Variants in CTNND2 observed in about 807,000 individuals in gnomAD.
The protein encoded by CTNND2 is catenin delta-2.
Under a neutral mutation model 144.4 loss-of-function variants are expected in CTNND2, and 22 were observed. The observed-to-expected ratio is 0.15, with a 90% CI of 0.11 to 0.22. The LOEUF is 0.22. Among genes scored for constraint, CTNND2 ranks in the 10% least tolerant of loss-of-function variants. CTNND2 has a pLI of 1.00. For synonymous variants in CTNND2, 751 were observed against 695.6 expected, an observed-to-expected ratio of 1.08 and a Z score of -1.25; for missense variants, 1,353 against 1,618.8, an observed-to-expected ratio of 0.84 and a Z score of 2.82.
chr5:11,304,779 T>A (rs1430254650), intron 9 of CTNND2, among the ~76,000 whole-genome samples: 1 of 152,140 alleles, frequency 6.6e-6, no homozygotes, highest in Non-Finnish European at 1.5e-5. Context: ...GTGCTCAGAG[T>A]TCAGTCAGCT....
intron 3 of CTNND2, among the ~76,000 whole-genome samples, chr5:11,441,206 G>A (rs1236373791): frequency 6.6e-6 from 1 of 151,924 alleles, no homozygotes; most frequent in Non-Finnish European, 1.5e-5. Flanking sequence ...ATACACTCAT[G>A]ATATTTTAGA....
intron 9 of CTNND2, among the ~76,000 whole-genome samples, chr5:11,285,023 G>C (rs1174910567): frequency 6.6e-6 from 1 of 152,178 alleles, no homozygotes; most frequent in Non-Finnish European, 1.5e-5. Context: ...GCTCAATCTT[G>C]ACTCTGTCCT....
At chr5:11,643,832 T>C (rs1216561947) in intron 2 of CTNND2, among the ~76,000 whole-genome samples, 1 of 152,218 alleles carries the variant, frequency 6.6e-6, no homozygotes, top group Non-Finnish European at 1.5e-5. Context: ...TTATGTATTG[T>C]AACATTTGTT....
At chr5:11,214,181 T>G (rs1224494569) in intron 10 of CTNND2, among the ~76,000 whole-genome samples, 1 of 152,222 alleles carries the variant, frequency 6.6e-6, no homozygotes, top group African/African-American at 2.4e-5. Context: ...ACCTCAATAA[T>G]AAATAGTAAA....
At chr5:11,554,900 A>G (rs1287044080) in intron 3 of CTNND2, among the ~76,000 whole-genome samples, 1 of 138,850 alleles carries the variant, frequency 7.2e-6, no homozygotes, top group Non-Finnish European at 1.6e-5. Context: ...AATGTACTGT[A>G]TAAATCAATT....
intron 11 of CTNND2, among the ~76,000 whole-genome samples, chr5:11,173,040 C>T (rs1760092086): frequency 6.6e-6 from 1 of 152,220 alleles, no homozygotes; most frequent in Non-Finnish European, 1.5e-5. Context: ...AAATTCAAGG[C>T]ATTTAATTTT....
Position 11,565,889 on chromosome 5 carries a change from G to T in CTNND2, c.175-833C>A, listed in dbSNP as rs75995446. 5.4e-3 allele frequency among the ~76,000 whole-genome samples: 821 copies of T among 152,068 alleles called. 10 individuals carry two copies. The highest frequency in any genetic ancestry group is 0.019 in the African/African-American group (794 of 41,492). The stretch of plus-strand genomic sequence containing the variant: ...AGAGCAAATCATGTATTTTAATAAG[G>T]AATGGCAGGGAAAGTTTTTACAATG... On this transcript the variant is annotated intron_variant, in intron 2 of 21. Transcript: ENST00000304623.
Position 10,982,069 on chromosome 5 carries a change from T to C in CTNND2, c.3344-223A>G, listed in dbSNP as rs111641324. The stretch of plus-strand genomic sequence containing the variant: ...CCCACAGCATGTCAGCCGCTTGCAA[T>C]AATGTTCACATCACAGACAGGGTCA... On this transcript the variant is annotated intron_variant, in intron 20 of 21. Transcript: ENST00000304623. Among the ~76,000 whole-genome samples, 64 of 152,306 alleles carry C rather than the reference T, an allele frequency of 4.2e-4. 1 individual carries two copies. The highest frequency in any genetic ancestry group is 1.5e-3 in the African/African-American group (64 of 41,568).
chr5:11,371,890 G>T (rs1432271643), intron 7 of CTNND2, among the ~76,000 whole-genome samples: 1 of 152,106 alleles, frequency 6.6e-6, no homozygotes, highest in Non-Finnish European at 1.5e-5. Flanking sequence ...TAATTCCAGT[G>T]TAACAGGCCA....
intron 3 of CTNND2, among the ~76,000 whole-genome samples, chr5:11,532,797 C>T (rs1295786287): frequency 6.6e-6 from 1 of 152,182 alleles, no homozygotes; most frequent in Non-Finnish European, 1.5e-5. Flanking sequence ...TAAATTTTTA[C>T]ATGATCAAGG....
chr5:11,149,330 G>A (rs1292755511), intron 12 of CTNND2, among the ~76,000 whole-genome samples: 2 of 152,254 alleles, frequency 1.3e-5, no homozygotes, highest in Non-Finnish European at 1.5e-5. Flanking sequence ...TTACATTGTT[G>A]TTCCAAAATA....
intron 1 of CTNND2, among the ~76,000 whole-genome samples, chr5:11,798,554 G>A (rs1251708979): frequency 6.6e-6 from 1 of 152,194 alleles, no homozygotes; most frequent in African/African-American, 2.4e-5. Context: ...AGATCATGAG[G>A]TCAGGAGATT....
chr5:11,892,064 C>T (rs374362855), intron 1 of CTNND2, among the ~76,000 whole-genome samples: 13 of 152,278 alleles, frequency 8.5e-5, no homozygotes, highest in Middle Eastern at 6.8e-3. Flanking sequence ...ATTCTTCTGA[C>T]ATCATAATAT....
rs369726325 is a variant in CTNND2, at chr5:11,172,171, G to C, written c.1976-12412C>G. ...TCTGGAAAATCTGGAAAGTGATCTGGGGTGGGTCCTGCTACCTAAGAATTT... is the reference window on the plus strand; with the variant it reads ...TCTGGAAAATCTGGAAAGTGATCTGCGGTGGGTCCTGCTACCTAAGAATTT... On this transcript the variant is annotated intron_variant, in intron 11 of 21. Coordinates refer to ENST00000304623, the MANE Select transcript of CTNND2 (RefSeq NM_001332.4). Among the ~76,000 whole-genome samples the C allele has an allele frequency of 3.2e-3, 494 of 152,242 alleles. 3 individuals are homozygous for C. Among genetic ancestry groups the C allele is most frequent in the African/African-American group, 0.011 (476 of 41,532 alleles).
intron 16 of CTNND2, among the ~76,000 whole-genome samples, chr5:11,025,471 T>C (rs975173196): frequency 1.3e-5 from 2 of 152,202 alleles, no homozygotes; most frequent in African/African-American, 2.4e-5. Flanking sequence ...CCTTGTGTTG[T>C]ATGTTTATAA....
At chr5:11,100,152 C>T (rs1751746623) in intron 14 of CTNND2, among the ~76,000 whole-genome samples, 1 of 152,140 alleles carries the variant, frequency 6.6e-6, no homozygotes. Context: ...CAAATAATTT[C>T]AAAAACTTCA....
chr5:11,864,030 G>C (rs1275821042), intron 1 of CTNND2, among the ~76,000 whole-genome samples: 1 of 152,114 alleles, frequency 6.6e-6, no homozygotes, highest in Admixed American at 6.5e-5. Flanking sequence ...GCTGCATCAT[G>C]AATTGATCAG....
At chr5:11,336,977 G>A (rs1753798275) in intron 9 of CTNND2, among the ~76,000 whole-genome samples, 1 of 152,014 alleles carries the variant, frequency 6.6e-6, no homozygotes. Context: ...AATTTTTTTG[G>A]TTTCCCTCTC....
intron 1 of CTNND2, among the ~76,000 whole-genome samples, chr5:11,782,093 G>T (rs1002263179): frequency 6.6e-6 from 1 of 152,062 alleles, no homozygotes; most frequent in African/African-American, 2.4e-5. Context: ...TGTACAAAGG[G>T]CAGTTCCCCT....
Sources: allele counts gnomAD v4.1 joint callset (sites outside exome capture counted in the v4.1 genomes callset), GRCh38; gene constraint gnomAD v4.1.1; transcripts MANE v1.5; gene names NCBI Gene and HGNC (gene_info 2026-07-23, HGNC 2026-07-21).